The following VPS13A variants were observed in gnomAD, a reference collection of about 807,000 sequenced individuals.
The protein encoded by VPS13A is vacuolar protein sorting 13 homolog A.
Under a neutral mutation model 390.9 loss-of-function variants are expected in VPS13A, and 264 were observed. The ratio of observed to expected loss-of-function variants is 0.68; its 90% CI spans 0.61 to 0.75. The LOEUF is 0.75. Among genes scored for constraint, VPS13A ranks in the 30% least tolerant of loss-of-function variants. VPS13A has a pLI of 0.00. For synonymous variants in VPS13A, 1,231 were observed against 1,227.1 expected, an observed-to-expected ratio of 1.00 and a Z score of -0.07; for missense variants, 3,409 against 3,733.9, an observed-to-expected ratio of 0.91 and a Z score of 2.27.
chr9:77,202,284 G>C (rs1391752155), intron 3 of VPS13A, among the ~76,000 whole-genome samples: 1 of 152,078 alleles, frequency 6.6e-6, no homozygotes, highest in Admixed American at 6.6e-5. Flanking sequence ...ACTGTTTACT[G>C]TAAGAGGGGG....
At chr9:77,400,525 C>A (rs1429839720) in intron 68 of VPS13A, among the ~76,000 whole-genome samples, 2 of 151,654 alleles carry the variant, frequency 1.3e-5, no homozygotes, top group Non-Finnish European at 1.5e-5. Context: ...TGGCCTTTCC[C>A]ACTTCAAGAT....
At position 77,206,854 on chromosome 9, in the gene VPS13A, T is replaced by C. The variant is rs1252007358; in HGVS notation, c.385+775T>C. Among the ~76,000 whole-genome samples the C allele has an allele frequency of 3.3e-5, 5 of 150,452 alleles. No homozygotes were observed. The South Asian group carries it at 8.4e-4, about 25-fold the overall frequency. ...CACTGTCTCTGAAATGCATTGATTT[T>C]CTTTTAATAAAAAATAATAAGCTTC... On this transcript the variant is annotated intron_variant, in intron 5 of 71. Coordinates refer to ENST00000360280, the MANE Select transcript of VPS13A (RefSeq NM_033305.3).
chr9:77,262,343 G>A (rs924850394), intron 23 of VPS13A, among the ~76,000 whole-genome samples: 5 of 151,830 alleles, frequency 3.3e-5, no homozygotes, highest in African/African-American at 1.2e-4. Flanking sequence ...CTCCATTTTC[G>A]GGGGTAACAG....
chr9:77,238,766 G>A (rs1004283783), intron 19 of VPS13A, among the ~76,000 whole-genome samples: 4 of 152,068 alleles, frequency 2.6e-5, no homozygotes, highest in South Asian at 2.1e-4. Context: ...GAATAAGGTC[G>A]GGTACGATTT....
chr9:77,357,001 A>G (rs966632204), intron 55 of VPS13A, 134 bp downstream of exon 55: 16 of 1,033,910 alleles, frequency 1.5e-5, no homozygotes, highest in Non-Finnish European at 2.0e-5. Context: ...CTTGTATAAA[A>G]TGTTTTAAAG....
At chr9:77,261,311 A>T (rs1196487019) in intron 23 of VPS13A, among the ~76,000 whole-genome samples, 1 of 152,176 alleles carries the variant, frequency 6.6e-6, no homozygotes, top group Non-Finnish European at 1.5e-5. Flanking sequence ...ATGTTAGCAC[A>T]TACAGATCTA....
chr9:77,228,968 G>T (rs1175526394), intron 17 of VPS13A, among the ~76,000 whole-genome samples: 1 of 152,140 alleles, frequency 6.6e-6, no homozygotes, highest in Non-Finnish European at 1.5e-5. Flanking sequence ...TCTCCCACCA[G>T]GTCCCTCCCA....
At position 77,220,305 on chromosome 9, in the gene VPS13A, C is replaced by CAA; in HGVS notation, c.912_913insAA (p.Val305LysfsTer4). ...TTCAGTATTATGGAGCTTCTTGAAT[C>CAA]AGTTGATATGATGGCACAAAATCTG... is the stretch of plus-strand genomic sequence containing the variant. On this transcript the variant is annotated frameshift_variant, in exon 12 of 72. Coordinates refer to ENST00000360280, the MANE Select transcript of VPS13A (RefSeq NM_033305.3). LOFTEE classifies it high-confidence loss of function. 6.2e-7 allele frequency: 1 copy of CAA among 1,612,062 alleles called. No homozygotes were observed. The highest frequency in any genetic ancestry group is 1.1e-5 in the South Asian group (1 of 90,856).
At position 77,228,194 on chromosome 9, in the gene VPS13A, G is replaced by C; in HGVS notation, c.1525G>C (p.Glu509Gln). The C allele has an allele frequency of 6.2e-7, 1 of 1,603,680 alleles. No homozygotes were observed. Among genetic ancestry groups the C allele is most frequent in the Non-Finnish European group, 8.5e-7 (1 of 1,174,646 alleles). The change falls in exon 17 of 72, where the codon GAG (glutamate) becomes CAG (glutamine). Residue 509 changes from glutamate to glutamine, a missense_variant. This residue lies in a region of VPS13A where 2,717 missense variants were observed against 2,917.4 expected (regional missense o/e 0.93). Transcript: ENST00000360280. ...TCTAAGAGAAAATCATCAAAAACCT[G>C]AGCTGGTAGATATTGTAATAGAAGA... ...IVLRENHQKP[E>Q]LVDIVIEEFS...
Position 77,339,864 on chromosome 9 carries a change from C to G in VPS13A, c.6727C>G (p.Pro2243Ala). Residue 2243 changes from proline to alanine, a missense_variant, in exon 48 of 72, where the codon CCA becomes GCA. This residue lies in a region of VPS13A where 2,717 missense variants were observed against 2,917.4 expected (regional missense o/e 0.93). Transcript: ENST00000360280. ...HRKHPPNYKK[P>A]VLFSFQPNHF... ...AAAGCATCCACCTAATTATAAAAAGCCAGTTCTCTTTTCTTTTCAGCCAAA... is the reference window on the plus strand; with the variant it reads ...AAAGCATCCACCTAATTATAAAAAGGCAGTTCTCTTTTCTTTTCAGCCAAA... 6.2e-7 allele frequency: 1 copy of G among 1,613,388 alleles called. No homozygotes were observed. The highest frequency in any genetic ancestry group is 1.1e-5 in the South Asian group (1 of 91,076).
intron 19 of VPS13A, among the ~76,000 whole-genome samples, chr9:77,241,247 TTCTTCTAATTTA>T (rs1824472027): frequency 6.6e-6 from 1 of 152,168 alleles, no homozygotes; most frequent in African/African-American, 2.4e-5. Context: ...GCTGGGTAAT[TTCTTCTAATTTA>T]TCTTCTCATT....
intron 68 of VPS13A, among the ~76,000 whole-genome samples, chr9:77,387,456 G>T (rs1213090294): frequency 1.3e-5 from 2 of 152,154 alleles, no homozygotes; most frequent in East Asian, 3.9e-4. Flanking sequence ...AAATGGGAAG[G>T]AAGGTTCACT....
chr9:77,269,445 A>G (rs1396310765), intron 23 of VPS13A, among the ~76,000 whole-genome samples: 2 of 152,196 alleles, frequency 1.3e-5, no homozygotes, highest in Admixed American at 1.3e-4. Context: ...TCTTAATTAT[A>G]CTATAACTTC....
Position 77,282,283 on chromosome 9 carries a change from T to C in VPS13A, c.3118+9T>C, listed in dbSNP as rs531720915. On this transcript the variant is annotated intron_variant, in intron 29 of 71. Transcript: ENST00000360280. Reference sequence around the variant, plus strand: ...TGTCATTAAAAAATTAGGTATGTTTTTTAAAAATTTAGCATCAACTTTTTT... The same window carrying C: ...TGTCATTAAAAAATTAGGTATGTTTCTTAAAAATTTAGCATCAACTTTTTT... 10 of 1,608,502 alleles carry C rather than the reference T, an allele frequency of 6.2e-6. No homozygotes were observed. In the South Asian group the frequency reaches 1.1e-4, roughly 18 times the overall value.
chr9:77,417,321 C>G lies in VPS13A; in HGVS notation c.*1315C>G, dbSNP rs1263943475. The stretch of plus-strand genomic sequence containing the variant: ...GAAATTCTTCTCAGGCTCCTTAAAC[C>G]CTCGCTTTGTTGTAAAAGCTAAAAT... On this transcript the variant is annotated 3_prime_UTR_variant, in exon 72 of 72. Transcript: ENST00000360280. 1.3e-5 allele frequency: 2 copies of G among 152,046 alleles called. No individual in the cohort carries two copies. Among genetic ancestry groups the G allele is most frequent in the African/African-American group, 4.8e-5 (2 of 41,376 alleles). 9.4% of individuals were successfully genotyped at this position (152,046 alleles called of 1,614,324 possible).
chr9:77,359,421 T>A lies in VPS13A; in HGVS notation c.8105+19T>A. The A allele has an allele frequency of 1.3e-6, 2 of 1,570,840 alleles. No individual in the cohort carries two copies. Among genetic ancestry groups the A allele is most frequent in the Non-Finnish European group, 8.7e-7 (1 of 1,143,332 alleles). Reference sequence around the variant, plus strand: ...GTATTAAGTAAGTGTCTTAATACATTTCTTGTATATTTATTTAATGTTTGA... The same window carrying A: ...GTATTAAGTAAGTGTCTTAATACATATCTTGTATATTTATTTAATGTTTGA... On this transcript the variant is annotated intron_variant, in intron 58 of 71. Transcript: ENST00000360280.
intron 22 of VPS13A, among the ~76,000 whole-genome samples, chr9:77,257,981 T>A (rs1825546086): frequency 1.3e-5 from 2 of 152,212 alleles, no homozygotes; most frequent in South Asian, 4.1e-4. Context: ...CTAATAACAT[T>A]TGCTTTATAC....
intron 68 of VPS13A, chr9:77,382,318 T>A: frequency 6.5e-7 from 1 of 1,543,174 alleles, no homozygotes; most frequent in African/African-American, 1.4e-5. Context: ...TGCATGACTT[T>A]GCAAGTGAAA....
At chr9:77,320,834 T>G (rs1829703720) in intron 42 of VPS13A, among the ~76,000 whole-genome samples, 1 of 152,096 alleles carries the variant, frequency 6.6e-6, no homozygotes. Flanking sequence ...TACATTAAGT[T>G]ACTTTTTTCT....
Sources: gnomAD v4.1 joint callset for allele counts (sites outside exome capture counted in the v4.1 genomes callset) on GRCh38, gnomAD v4.1.1 for gene constraint, gnomAD v4.1.1 regional missense constraint, MANE v1.5 for transcripts, NCBI Gene and HGNC (gene_info 2026-07-23, HGNC 2026-07-21) for gene names.